The following SNTG1 variants were observed in gnomAD, a reference collection of about 807,000 sequenced individuals.
SNTG1 encodes the protein syntrophin gamma 1, also known as gamma-1-syntrophin.
Under a neutral mutation model 74.7 loss-of-function variants are expected in SNTG1, and 39 were observed. The ratio of observed to expected loss-of-function variants is 0.52; its 90% CI spans 0.40 to 0.68. The LOEUF (loss-of-function observed/expected upper bound fraction) is 0.68, where lower values mean the gene tolerates loss of function less well. SNTG1 is among the 30% of genes least tolerant of loss of function. The pLI is 0.00. For synonymous variants in SNTG1, 254 were observed against 217.1 expected, an observed-to-expected ratio of 1.17 and a Z score of -1.49; for missense variants, 685 against 609.5, an observed-to-expected ratio of 1.12 and a Z score of -1.30.
chr8:50,217,207 T>G (rs1029824836), intron 2 of SNTG1, among the ~76,000 whole-genome samples: 1 of 152,068 alleles, frequency 6.6e-6, no homozygotes, highest in African/African-American at 2.4e-5. Context: ...CATTTATGAA[T>G]GGTTAATATA....
intron 8 of SNTG1, among the ~76,000 whole-genome samples, chr8:50,489,106 C>T (rs999279231): frequency 6.6e-6 from 1 of 152,184 alleles, no homozygotes; most frequent in Non-Finnish European, 1.5e-5. Context: ...GGGATATGAA[C>T]TCATCCTTTT....
At chr8:49,966,189 T>C (rs556267885) in intron 1 of SNTG1, among the ~76,000 whole-genome samples, 170 of 152,302 alleles carry the variant, frequency 1.1e-3, no homozygotes, top group South Asian at 4.4e-3. Context: ...CTAATTAGGT[T>C]TGAAGCTTTG....
chr8:50,358,842 A>G (rs1232097715), intron 2 of SNTG1, among the ~76,000 whole-genome samples: 2 of 152,206 alleles, frequency 1.3e-5, no homozygotes, highest in Non-Finnish European at 2.9e-5. Flanking sequence ...AGTTCAGACC[A>G]TCATCAAGTG....
At chr8:50,570,847 G>A (rs985829410) in intron 12 of SNTG1, among the ~76,000 whole-genome samples, 19 of 151,148 alleles carry the variant, frequency 1.3e-4, no homozygotes, top group African/African-American at 4.6e-4. Flanking sequence ...CTTGTGATCT[G>A]CCTGCCTCAG....
At chr8:50,385,040 G>T (rs1025477585) in intron 2 of SNTG1, among the ~76,000 whole-genome samples, 1 of 152,170 alleles carries the variant, frequency 6.6e-6, no homozygotes, top group African/African-American at 2.4e-5. Context: ...GCAGGGATTA[G>T]CTCCCAAATT....
chr8:50,727,257 A>T (rs2095502401), intron 17 of SNTG1, among the ~76,000 whole-genome samples: 1 of 152,194 alleles, frequency 6.6e-6, no homozygotes, highest in South Asian at 2.1e-4. Context: ...ATGGAGTAAA[A>T]GTGCTGACAA....
chr8:50,243,708 T>G (rs1252331163), intron 2 of SNTG1, among the ~76,000 whole-genome samples: 2 of 152,036 alleles, frequency 1.3e-5, no homozygotes, highest in Non-Finnish European at 2.9e-5. Context: ...TACTGTTCCA[T>G]GGACATACAC....
chr8:50,162,555 G>A (rs1328438372), intron 1 of SNTG1, among the ~76,000 whole-genome samples: 2 of 113,508 alleles, frequency 1.8e-5, no homozygotes, highest in Non-Finnish European at 3.5e-5. Flanking sequence ...GCAAGACTCT[G>A]TCTCAAAAAA....
chr8:50,533,564 A>G (rs2094286116), intron 10 of SNTG1, among the ~76,000 whole-genome samples: 1 of 151,618 alleles, frequency 6.6e-6, no homozygotes, highest in African/African-American at 2.4e-5. Context: ...AAAAATAAAT[A>G]AACTACTATT....
chr8:50,364,976 T>C (rs766783252), intron 2 of SNTG1, among the ~76,000 whole-genome samples: 26 of 152,128 alleles, frequency 1.7e-4, no homozygotes, highest in South Asian at 6.2e-4. Context: ...TTTTTACTAC[T>C]GCTACTATTA....
intron 12 of SNTG1, among the ~76,000 whole-genome samples, chr8:50,583,568 C>T (rs752343268): frequency 3.9e-5 from 6 of 152,032 alleles, no homozygotes; most frequent in Non-Finnish European, 5.9e-5. Flanking sequence ...ATTCACAATA[C>T]ATTTTACTAC....
chr8:50,043,608 C>T (rs143797432), intron 1 of SNTG1, among the ~76,000 whole-genome samples: 2 of 152,300 alleles, frequency 1.3e-5, no homozygotes, highest in East Asian at 1.9e-4. Flanking sequence ...TGCGTTCCTG[C>T]AATTAAGGGA....
intron 1 of SNTG1, among the ~76,000 whole-genome samples, chr8:49,937,383 G>A (rs952292696): frequency 5.3e-5 from 8 of 152,142 alleles, no homozygotes; most frequent in Non-Finnish European, 8.8e-5. Flanking sequence ...GGGGTTCAGC[G>A]TGCTGATAAT....
chr8:50,191,449 A>C (rs1477337299), intron 2 of SNTG1, among the ~76,000 whole-genome samples: 4 of 152,168 alleles, frequency 2.6e-5, no homozygotes, highest in Non-Finnish European at 5.9e-5. Context: ...TCACAAGAGC[A>C]CTACTGGAAA....
At chr8:50,451,501 A>G (rs2093457458) in intron 8 of SNTG1, among the ~76,000 whole-genome samples, 1 of 151,984 alleles carries the variant, frequency 6.6e-6, no homozygotes, top group Admixed American at 6.6e-5. Flanking sequence ...GTGGGGAGAA[A>G]GAGAGAGACA....
intron 1 of SNTG1, among the ~76,000 whole-genome samples, chr8:50,096,719 T>C (rs1213775584): frequency 6.6e-6 from 1 of 152,142 alleles, no homozygotes; most frequent in African/African-American, 2.4e-5. Flanking sequence ...CCAGAAAGAA[T>C]AGCTTCATGT....
At chr8:49,942,746 G>T (rs1808813100) in intron 1 of SNTG1, among the ~76,000 whole-genome samples, 1 of 152,140 alleles carries the variant, frequency 6.6e-6, no homozygotes, top group South Asian at 2.1e-4. Flanking sequence ...TATGTGATTT[G>T]AGGTGGAAGA....
At chr8:50,094,856 T>A (rs564313653) in intron 1 of SNTG1, among the ~76,000 whole-genome samples, 1 of 152,230 alleles carries the variant, frequency 6.6e-6, no homozygotes, top group East Asian at 1.9e-4. Context: ...ACACATGCAC[T>A]CCTATGTTCA....
chr8:50,328,281 G>A (rs2090831087), intron 2 of SNTG1, among the ~76,000 whole-genome samples: 1 of 152,110 alleles, frequency 6.6e-6, no homozygotes, highest in Admixed American at 6.6e-5. Context: ...ACTTTTGAAG[G>A]ATAATTTTGC....
Sources: gnomAD v4.1 joint callset for allele counts (sites outside exome capture counted in the v4.1 genomes callset) on GRCh38, gnomAD v4.1.1 for gene constraint, MANE v1.5 for transcripts, NCBI Gene and HGNC (gene_info 2026-07-23, HGNC 2026-07-21) for gene names.